Variants in TERT observed in about 807,000 individuals in gnomAD.
TERT encodes the protein telomerase reverse transcriptase, also known as telomerase catalytic subunit.
A neutral mutation model predicts 104.0 loss-of-function variants in TERT; 42 were observed. The ratio of observed to expected loss-of-function variants is 0.40; its 90% CI spans 0.32 to 0.52. The LOEUF (loss-of-function observed/expected upper bound fraction) is 0.52, where lower values mean the gene tolerates loss of function less well. Among genes scored for constraint, TERT ranks in the 20% least tolerant of loss-of-function variants. The probability of loss-of-function intolerance (pLI) is 0.43; values close to 1 mark genes in which losing one functional copy is unlikely to be tolerated. For missense variants in TERT, 1,101 were observed against 1,610.3 expected, an observed-to-expected ratio of 0.68 and a Z score of 5.41; for synonymous variants, 781 against 725.6, an observed-to-expected ratio of 1.08 and a Z score of -1.23.
Position 1,282,372 on chromosome 5 carries a change from G to T in TERT, c.1769+57C>A, listed in dbSNP as rs561892163. On this transcript the variant is annotated intron_variant, in intron 3 of 15. Coordinates refer to ENST00000310581, the MANE Select transcript of TERT (RefSeq NM_198253.3). ...CAAGTGGAGACAGGCGCATGCTGAG[G>T]CCGGGCTGGTGTTCCAGGACTTCGA... 5 of 1,575,722 alleles carry T rather than the reference G, an allele frequency of 3.2e-6. No homozygotes were observed. The African/African-American group carries it at 5.4e-5, about 17-fold the overall frequency.
chr5:1,271,175 G>C lies in TERT; in HGVS notation c.2412C>G (p.Gly804=). The C allele has an allele frequency of 6.2e-7, 1 of 1,613,194 alleles. No individual in the cohort carries two copies. Among genetic ancestry groups the C allele is most frequent in the Non-Finnish European group, 8.5e-7 (1 of 1,179,984 alleles). The change falls in exon 8 of 16, where the codon GGC becomes GGG. Residue 804 remains glycine (G), a synonymous_variant. Transcript: ENST00000310581. ...TGAAGCGTAGGAAGACGTCGAAGAG[G>C]CCACTGCTGGCCTCATTCAGGGAGG... ...QSSSLNEASS[G]LFDVFLRFMC...
At chr5:1,279,522 C>T (rs1240328359) in intron 4 of TERT, 52 bp from the exon 5 acceptor site, 6 of 1,532,224 alleles carry the variant, frequency 3.9e-6, no homozygotes, top group Non-Finnish European at 4.4e-6. Context: ...GGCCAAGTGC[C>T]CACCCCACCA....
intron 5 of TERT, 36 bp downstream of exon 5, chr5:1,279,255 C>A: frequency 1.3e-6 from 2 of 1,550,938 alleles, no homozygotes; most frequent in South Asian, 2.4e-5. Context: ...CTCCCAAGGT[C>A]CAGCAGGGCT....
At position 1,253,839 on chromosome 5, in the gene TERT, G is replaced by A; in HGVS notation, c.3296-8C>T. The A allele has an allele frequency of 6.2e-7, 1 of 1,604,648 alleles. No individual in the cohort carries two copies. The highest frequency in any genetic ancestry group is 8.5e-7 in the Non-Finnish European group (1 of 1,177,028). On this transcript the variant is annotated splice_region_variant and splice_polypyrimidine_tract_variant and intron_variant, in intron 15 of 15. Coordinates refer to ENST00000310581, the MANE Select transcript of TERT (RefSeq NM_198253.3). Reference sequence around the variant, plus strand: ...GACTCAGCTGCGTCTGGGCTGCGGGGCCAAAATCAGACTCCGTTCCAGAAG... The same window carrying A: ...GACTCAGCTGCGTCTGGGCTGCGGGACCAAAATCAGACTCCGTTCCAGAAG...
chr5:1,287,325 C>CA lies in TERT; in HGVS notation c.1574-4702_1574-4701insT, dbSNP rs1174653557. On this transcript the variant is annotated intron_variant, in intron 2 of 15. Coordinates refer to ENST00000310581, the MANE Select transcript of TERT (RefSeq NM_198253.3). The surrounding 1 kb of genome is among the most constrained non-coding windows in gnomAD (Gnocchi z 4.3). ...GACCAGCCTGGGCAACACAGCAAGACCCTGTCTCCAGAAAAAATTTAAAAA... is the reference window on the plus strand; with the variant it reads ...GACCAGCCTGGGCAACACAGCAAGACACCTGTCTCCAGAAAAAATTTAAAAA... Among the ~76,000 whole-genome samples, 2 of 152,034 alleles carry CA rather than the reference C, an allele frequency of 1.3e-5. No homozygotes were observed. Among genetic ancestry groups the CA allele is most frequent in the Non-Finnish European group, 2.9e-5 (2 of 68,000 alleles).
rs1314611158 is a variant in TERT at position 1,293,714 on chromosome 5, G to A, written c.1172C>T (p.Pro391Leu). The change falls in exon 2 of 16, where the codon CCC becomes CTC. Residue 391 changes from proline (P) to leucine (L), a missense_variant. Transcript: ENST00000310581. Reference sequence around the variant, plus strand: ...GTTCCCAAGCAGCTCCAGAAACAGGGGCCGCATTTGCCAGTAGCGCTGGGG... The same window carrying A: ...GTTCCCAAGCAGCTCCAGAAACAGGAGCCGCATTTGCCAGTAGCGCTGGGG... ...RLPQRYWQMR[P>L]LFLELLGNHA... 6.4e-7 allele frequency: 1 copy of A among 1,572,810 alleles called. No homozygotes were observed. Among genetic ancestry groups the A allele is most frequent in the Non-Finnish European group, 8.6e-7 (1 of 1,159,602 alleles).
chr5:1,279,492 ACAGT>A, intron 4 of TERT, 22 bp from the exon 5 acceptor site: 1 of 1,547,908 alleles, frequency 6.5e-7, no homozygotes, highest in Non-Finnish European at 8.7e-7. Flanking sequence ...AGCATGGGAG[ACAGT>A]CAGGAAAGTG....
At position 1,279,291 on chromosome 5, in the gene TERT, C is replaced by T; in HGVS notation, c.2130G>A (p.Lys710=). The change falls in exon 5 of 16, where the codon AAG becomes AAA. Residue 710 remains lysine, a splice_region_variant and synonymous_variant. Coordinates refer to ENST00000310581, the MANE Select transcript of TERT (RefSeq NM_198253.3). ...QDPPPELYFV[K]VDVTGAYDTI... is the part of the protein sequence containing the mutation. ...GCTCACGGGGGTCCCCGGCACCCAC[C>T]TTGACAAAGTACAGCTCAGGCGGCG... The T allele has an allele frequency of 6.3e-7, 1 of 1,577,902 alleles. No homozygotes were observed. The highest frequency in any genetic ancestry group is 8.6e-7 in the Non-Finnish European group (1 of 1,164,096).
chr5:1,258,323 C>A (rs978055823), intron 13 of TERT, among the ~76,000 whole-genome samples: 3 of 152,276 alleles, frequency 2.0e-5, no homozygotes, highest in Non-Finnish European at 2.9e-5. Flanking sequence ...CCCTGCTGCC[C>A]TGGGATGGCC....
chr5:1,273,533 C>CTGTG (rs542327461), intron 6 of TERT, among the ~76,000 whole-genome samples: 2 of 5,002 alleles, frequency 4.0e-4, no homozygotes, highest in Non-Finnish European at 8.1e-4. Flanking sequence ...CATCAGACCC[C>CTGTG]ACGACCGCCA....
intron 2 of TERT, among the ~76,000 whole-genome samples, chr5:1,284,776 AC>A (rs1750360157): frequency 7.1e-6 from 1 of 140,644 alleles, no homozygotes; most frequent in Non-Finnish European, 1.5e-5. Flanking sequence ...CAGCATCCGG[AC>A]ACCCCACATC....
chr5:1,284,878 G>A (rs113453303), intron 2 of TERT, among the ~76,000 whole-genome samples: 3 of 139,244 alleles, frequency 2.2e-5, no homozygotes, highest in East Asian at 2.2e-4. Context: ...GCACCGTCTG[G>A]CGACCTCACT....
At chr5:1,275,070 G>A (rs1289170412) in intron 6 of TERT, among the ~76,000 whole-genome samples, 3 of 152,178 alleles carry the variant, frequency 2.0e-5, no homozygotes, top group Non-Finnish European at 2.9e-5. Flanking sequence ...CAGATCTCAC[G>A]GAAGCTGCAG....
chr5:1,260,633 G>T, intron 11 of TERT, 33 bp from the exon 12 acceptor site: 1 of 1,612,446 alleles, frequency 6.2e-7, no homozygotes, highest in Admixed American at 1.7e-5. Flanking sequence ...AGACACAGGT[G>T]CCTGCCCCAC....
In TERT at chr5:1,263,288, A is replaced by C. The variant is rs1748359716; in HGVS notation, c.2843+1116T>G. Among the ~76,000 whole-genome samples, 1 of 152,196 alleles carries C rather than the reference A, an allele frequency of 6.6e-6. No individual in the cohort carries two copies. The highest frequency in any genetic ancestry group is 2.4e-5 in the African/African-American group (1 of 41,448). ...CCACCACTTATTTCTCTTCCCATGA[A>C]GGTGTGCCTTTCAGAGGAAGGCACC... On this transcript the variant is annotated intron_variant, in intron 11 of 15. Transcript: ENST00000310581. This position sits in a 1 kb window ranked among gnomAD's most constrained non-coding sequence, Gnocchi z 5.3.
intron 13 of TERT, among the ~76,000 whole-genome samples, chr5:1,258,198 G>A (rs182173532): frequency 7.2e-4 from 110 of 152,304 alleles, no homozygotes; most frequent in South Asian, 6.8e-3. Context: ...CACCCACCTC[G>A]GCCCTCTTTG....
At position 1,293,868 on chromosome 5, in the gene TERT, G is replaced by C. The variant is rs1561213862; in HGVS notation, c.1018C>G (p.Gln340Glu). 3 of 1,545,002 alleles carry C rather than the reference G, an allele frequency of 1.9e-6. No individual in the cohort carries two copies. Among genetic ancestry groups the C allele is most frequent in the Non-Finnish European group, 2.6e-6 (3 of 1,146,982 alleles). Residue 340 changes from glutamine to glutamate, a missense_variant, in exon 2 of 16, where the codon CAG becomes GAG. Physicochemically the swap from Gln to Glu is conservative, Grantham distance 29. This residue lies in a region of TERT where 504 missense variants were observed against 544.6 expected (regional missense o/e 0.93). Transcript: ENST00000310581. ...HFLYSSGDKE[Q>E]LRPSFLLSSL... Reference sequence around the variant, plus strand: ...CTGAGTAGGAAGGAGGGCCGCAGCTGCTCCTTGTCGCCTGAGGAGTAGAGG... The same window carrying C: ...CTGAGTAGGAAGGAGGGCCGCAGCTCCTCCTTGTCGCCTGAGGAGTAGAGG...
At chr5:1,278,919 C>T in intron 5 of TERT, 123 bp from the exon 6 acceptor site, 1 of 1,376,218 alleles carries the variant, frequency 7.3e-7, no homozygotes, top group Non-Finnish European at 1.0e-6. Flanking sequence ...ACTCCAGACC[C>T]CAAGGGCAGG....
At chr5:1,266,638 A>G in intron 9 of TERT, 103 bp from the exon 10 acceptor site, 1 of 984,394 alleles carries the variant, frequency 1.0e-6, no homozygotes, top group Non-Finnish European at 1.6e-6. Flanking sequence ...CCATAAATAA[A>G]GTAACATTCT....
Sources: gnomAD v4.1 joint callset for allele counts (sites outside exome capture counted in the v4.1 genomes callset) on GRCh38, gnomAD v4.1.1 for gene constraint, gnomAD v4.1.1 regional missense constraint, Gnocchi (gnomAD v3.1) non-coding constraint, MANE v1.5 for transcripts, NCBI Gene and HGNC (gene_info 2026-07-23, HGNC 2026-07-21) for gene names.